NOL4L: variants seen among roughly 807,000 people sequenced by gnomAD.
NOL4L encodes nucleolar protein 4-like.
NOL4L carries 7 observed loss-of-function variants against 64.5 expected under a neutral mutation model. The observed-to-expected ratio is 0.11, with a 90% CI of 0.06 to 0.20. The LOEUF is 0.20. Among genes scored for constraint, NOL4L ranks in the 10% least tolerant of loss-of-function variants. The pLI is 1.00. For missense variants in NOL4L, 680 were observed against 967.1 expected (o/e 0.70, Z 3.94); for synonymous variants, 413 against 401.0 (o/e 1.03, Z -0.36).
In NOL4L at chr20:32,472,442, C is replaced by T. The variant is rs76278258; in HGVS notation, c.841+2159G>A. On this transcript the variant is annotated intron_variant, in intron 5 of 10. Transcript: ENST00000621426. Reference sequence around the variant, plus strand: ...GAGTGGAGCACACAGAGGGCTAAAGCGGGTGCCTCTGCTTGGGCTGTCCCT... The same window carrying T: ...GAGTGGAGCACACAGAGGGCTAAAGTGGGTGCCTCTGCTTGGGCTGTCCCT... Among the ~76,000 whole-genome samples the T allele has an allele frequency of 2.0e-5, 3 of 152,288 alleles. No homozygotes were observed. In the East Asian group the frequency reaches 5.8e-4, roughly 29 times the overall value.
chr20:32,564,381 C>T (rs981856771), intron 1 of NOL4L, among the ~76,000 whole-genome samples: 3 of 152,196 alleles, frequency 2.0e-5, no homozygotes, highest in South Asian at 4.1e-4. Context: ...CCGCTCTCAG[C>T]CCCATTTACA....
At chr20:32,509,064 G>C (rs970471185) in intron 4 of NOL4L, among the ~76,000 whole-genome samples, 3 of 152,000 alleles carry the variant, frequency 2.0e-5, no homozygotes, top group African/African-American at 7.3e-5. Flanking sequence ...CAGCTTCCCT[G>C]ACCCCTGCCT....
chr20:32,489,667 G>A (rs1004326550), intron 4 of NOL4L, among the ~76,000 whole-genome samples: 2 of 151,972 alleles, frequency 1.3e-5, no homozygotes, highest in Admixed American at 1.3e-4. Context: ...TTTCTGGGCC[G>A]GGCGCAGTGG....
rs7271279 is a variant in NOL4L at position 32,575,030 on chromosome 20, C to A, written c.321+9540G>T. On this transcript the variant is annotated intron_variant, in intron 1 of 10. Coordinates refer to ENST00000621426, the MANE Select transcript of NOL4L (RefSeq NM_001256798.2). ...TGGTCCGTCGAGGAAACCCGTCACGCCTTTCTCCCCTCACCTCACTATGCC... is the reference window on the plus strand; with the variant it reads ...TGGTCCGTCGAGGAAACCCGTCACGACTTTCTCCCCTCACCTCACTATGCC... Among the ~76,000 whole-genome samples the A allele has an allele frequency of 9.2e-3, 1,396 of 152,244 alleles. 17 individuals are homozygous for A. Among genetic ancestry groups the A allele is most frequent in the African/African-American group, 0.031 (1,298 of 41,536 alleles).
In NOL4L at chr20:32,453,833, G is replaced by T; in HGVS notation, c.1120-72C>A. 2.8e-6 allele frequency: 4 copies of T among 1,432,468 alleles called. 1 individual carries two copies. The South Asian group carries it at 5.1e-5, about 18-fold the overall frequency. 88.7% of individuals were successfully genotyped at this position (1,432,468 alleles called of 1,614,324 possible). A position where few individuals can be genotyped will look rare whatever the true frequency, so the allele number is the denominator to read the frequency against. On this transcript the variant is annotated intron_variant, in intron 6 of 10. Coordinates refer to ENST00000621426, the MANE Select transcript of NOL4L (RefSeq NM_001256798.2). The surrounding 1 kb of genome is among the most constrained non-coding windows in gnomAD (Gnocchi z 5.6). ...AGCCCTTGCTGGGTCTCCTACAGGC[G>T]GTGAGCTTGGGGACCAGGGTGGCAC... is the stretch of plus-strand genomic sequence containing the variant.
chr20:32,584,477 T>A, intron 1 of NOL4L, 93 bp downstream of exon 1: 1 of 1,039,430 alleles, frequency 9.6e-7, no homozygotes, highest in Non-Finnish European at 1.3e-6. Context: ...GGGACACACG[T>A]TCGGACACAC....
chr20:32,544,576 GGGTGGGAGGTGGCA>G (rs1176529402), intron 1 of NOL4L, among the ~76,000 whole-genome samples: 1 of 152,046 alleles, frequency 6.6e-6, no homozygotes, highest in African/African-American at 2.4e-5. Flanking sequence ...CAGGGTAAAG[GGGTGGGAGGTGGCA>G]GGTGGGCGAG....
At chr20:32,509,762 G>A in intron 4 of NOL4L, 8 of 1,280,998 alleles carry the variant, frequency 6.2e-6, no homozygotes, top group South Asian at 5.0e-5. Flanking sequence ...CAACTTGCAC[G>A]ACACTGACCA....
intron 3 of NOL4L, among the ~76,000 whole-genome samples, chr20:32,517,796 G>A (rs554527339): frequency 3.4e-4 from 52 of 152,306 alleles, no homozygotes; most frequent in African/African-American, 7.0e-4. Context: ...CACCCGCTGC[G>A]TCCCAGGTGC....
chr20:32,498,054 A>G (rs293554), intron 4 of NOL4L, among the ~76,000 whole-genome samples: 81,924 of 152,110 alleles, frequency 0.54, 24,301 homozygotes, highest in East Asian at 0.99. Flanking sequence ...TCGCATTTGT[A>G]GGGGTGGAGG....
At chr20:32,569,079 G>A (rs1314407871) in intron 1 of NOL4L, among the ~76,000 whole-genome samples, 2 of 152,182 alleles carry the variant, frequency 1.3e-5, no homozygotes, top group Non-Finnish European at 2.9e-5. Context: ...AGAGGAACAC[G>A]CACAAAAACA....
At chr20:32,488,747 T>TTCC (rs1392925840) in intron 4 of NOL4L, among the ~76,000 whole-genome samples, 45 of 106,892 alleles carry the variant, frequency 4.2e-4, no homozygotes, top group East Asian at 2.5e-3. Flanking sequence ...CTTTCTTTCT[T>TTCC]TTCCTTCCTT....
rs963088928 is a variant in NOL4L, at chr20:32,445,664, G to GGTGA, written c.*1928_*1931dup. The GGTGA allele has an allele frequency of 7.9e-5, 12 of 152,820 alleles. No homozygotes were observed. The highest frequency in any genetic ancestry group is 2.4e-4 in the African/African-American group (10 of 41,560). The allele number at this position is 152,820 out of a possible 1,614,324, so 9.5% of individuals were successfully genotyped here. On this transcript the variant is annotated 3_prime_UTR_variant, in exon 11 of 11. Coordinates refer to ENST00000621426, the MANE Select transcript of NOL4L (RefSeq NM_001256798.2). ...GCACTGGAGGTTGTGCTGTGCTAAGGGTGAGTCTCAGGTGTCCTGGCCCTG... is the reference window on the plus strand; with the variant it reads ...GCACTGGAGGTTGTGCTGTGCTAAGGGTGAGTGAGTCTCAGGTGTCCTGGCCCTG...
intron 4 of NOL4L, among the ~76,000 whole-genome samples, chr20:32,484,321 C>A (rs2015947933): frequency 2.0e-5 from 3 of 151,912 alleles, no homozygotes. Context: ...CCCCGCCCCA[C>A]CCCCACGGCA....
chr20:32,543,927 G>A (rs1461117797), intron 1 of NOL4L, among the ~76,000 whole-genome samples: 3 of 152,156 alleles, frequency 2.0e-5, no homozygotes, highest in East Asian at 1.9e-4. Flanking sequence ...CTGAAGGTGC[G>A]ATGTTAAGTC....
intron 4 of NOL4L, among the ~76,000 whole-genome samples, chr20:32,487,622 CG>C (rs1030198977): frequency 2.6e-5 from 4 of 151,232 alleles, no homozygotes; most frequent in Non-Finnish European, 5.9e-5. Context: ...GGATGAGCAT[CG>C]GGGGGGCAAA....
chr20:32,488,766 C>T (rs956660007), intron 4 of NOL4L, among the ~76,000 whole-genome samples: 6 of 57,292 alleles, frequency 1.0e-4, no homozygotes, highest in Non-Finnish European at 1.8e-4. Flanking sequence ...TTCCTTCCTT[C>T]CTTCCTTCCT....
At chr20:32,540,714 A>T (rs1311458618) in intron 1 of NOL4L, among the ~76,000 whole-genome samples, 2 of 151,934 alleles carry the variant, frequency 1.3e-5, no homozygotes, top group African/African-American at 4.8e-5. Context: ...GCCACATGGG[A>T]CTGTCAATGT....
chr20:32,469,783 G>A (rs575537536), intron 5 of NOL4L, among the ~76,000 whole-genome samples: 7 of 152,362 alleles, frequency 4.6e-5, no homozygotes, highest in Non-Finnish European at 7.3e-5. Flanking sequence ...GCCTGCAGGG[G>A]TCCCACACTG....
Sources: gnomAD v4.1 joint callset for allele counts (sites outside exome capture counted in the v4.1 genomes callset) on GRCh38, gnomAD v4.1.1 for gene constraint, Gnocchi (gnomAD v3.1) non-coding constraint, MANE v1.5 for transcripts, NCBI Gene and HGNC (gene_info 2026-07-23, HGNC 2026-07-21) for gene names.